Variants in CRACR2A observed in about 807,000 individuals in gnomAD.
CRACR2A encodes EF-hand calcium-binding domain-containing protein 4B.
A neutral mutation model predicts 90.5 loss-of-function variants in CRACR2A; 79 were observed. That is an observed-to-expected ratio of 0.87 (90% CI 0.73 to 1.05). The LOEUF is 1.05. Ranked by LOEUF, CRACR2A falls within the 50% of genes least tolerant of loss-of-function variation. CRACR2A has a pLI of 0.00. For missense variants in CRACR2A, 823 were observed against 897.2 expected (o/e 0.92, Z 1.06); for synonymous variants, 338 against 356.7 (o/e 0.95, Z 0.59).
chr12:3,748,235 G>A (rs1946654142), intron 1 of CRACR2A, among the ~76,000 whole-genome samples: 1 of 152,178 alleles, frequency 6.6e-6, no homozygotes, highest in Non-Finnish European at 1.5e-5. Flanking sequence ...GGGATCTTCA[G>A]CACAGATGGG....
At chr12:3,713,741 C>A (rs1473974688) in intron 2 of CRACR2A, among the ~76,000 whole-genome samples, 1 of 152,172 alleles carries the variant, frequency 6.6e-6, no homozygotes, top group Non-Finnish European at 1.5e-5. Context: ...AGCATTGTGG[C>A]AAGAATCACT....
chr12:3,653,265 GC>G (rs1944833590), intron 10 of CRACR2A, among the ~76,000 whole-genome samples: 1 of 152,204 alleles, frequency 6.6e-6, no homozygotes, highest in Non-Finnish European at 1.5e-5. Flanking sequence ...ACAGGCGTGA[GC>G]CACCGCGCCT....
chr12:3,727,447 A>T (rs1288067286), intron 2 of CRACR2A: 1 of 152,222 alleles, frequency 6.6e-6, no homozygotes, highest in Non-Finnish European at 1.5e-5. Context: ...CTAATTCTAC[A>T]TCGGCTGGAT....
At chr12:3,655,344 CA>C (rs1276912363) in intron 9 of CRACR2A, among the ~76,000 whole-genome samples, 1 of 152,200 alleles carries the variant, frequency 6.6e-6, no homozygotes, top group African/African-American at 2.4e-5. Context: ...AGGCAGCTGG[CA>C]GTTCCCGGAG....
intron 10 of CRACR2A, among the ~76,000 whole-genome samples, chr12:3,652,725 CT>C (rs1944815824): frequency 6.6e-6 from 1 of 152,198 alleles, no homozygotes; most frequent in Admixed American, 6.5e-5. Context: ...TAAAATCAGA[CT>C]TTCAGTACTA....
chr12:3,648,484 T>G, intron 11 of CRACR2A, 58 bp downstream of exon 11: 1 of 1,613,366 alleles, frequency 6.2e-7, no homozygotes, highest in Non-Finnish European at 8.5e-7. Context: ...AGACTGGTCC[T>G]TCCGACCCCA....
At chr12:3,659,206 C>G (rs887915300) in intron 8 of CRACR2A, among the ~76,000 whole-genome samples, 3 of 152,170 alleles carry the variant, frequency 2.0e-5, no homozygotes, top group African/African-American at 7.2e-5. Context: ...GAGCCTCCAT[C>G]CTTTCATTCA....
In CRACR2A at chr12:3,668,190, T is replaced by C. The variant is rs138308893; in HGVS notation, c.671+5256A>G. ...ACATGCATTAGATTAAGTCACAACC[T>C]CGTCACCTAGAGTCCTCGCCGAGAA... On this transcript the variant is annotated intron_variant, in intron 7 of 19. Coordinates refer to ENST00000440314, the MANE Select transcript of CRACR2A (RefSeq NM_001144958.2). 1.8e-3 allele frequency among the ~76,000 whole-genome samples: 279 copies of C among 152,260 alleles called. 7 individuals are homozygous for C. The East Asian group carries it at 0.036, about 20-fold the overall frequency.
chr12:3,651,649 T>G (rs1193420040), intron 10 of CRACR2A, among the ~76,000 whole-genome samples: 2 of 152,178 alleles, frequency 1.3e-5, no homozygotes, highest in Non-Finnish European at 2.9e-5. Context: ...GAATTCTTGC[T>G]GATCAGTGAC....
chr12:3,717,181 C>T (rs573927475), intron 2 of CRACR2A, among the ~76,000 whole-genome samples: 17 of 152,228 alleles, frequency 1.1e-4, no homozygotes, highest in African/African-American at 3.4e-4. Context: ...CCAGGAAACC[C>T]GCAGCAGTCG....
chr12:3,746,236 C>G lies in CRACR2A; in HGVS notation c.-387+6779G>C, dbSNP rs1946623473. ...CAATTCATATGTTGAAGCCCTAACTCTCAATGTGATGGTATTTGGAGGTGA... is the reference window on the plus strand; with the variant it reads ...CAATTCATATGTTGAAGCCCTAACTGTCAATGTGATGGTATTTGGAGGTGA... On this transcript the variant is annotated intron_variant, in intron 1 of 19. Coordinates refer to ENST00000440314, the MANE Select transcript of CRACR2A (RefSeq NM_001144958.2). This position sits in a 1 kb window ranked among gnomAD's most constrained non-coding sequence, Gnocchi z 4.4. 6.6e-6 allele frequency among the ~76,000 whole-genome samples: 1 copy of G among 152,150 alleles called. No individual in the cohort carries two copies.
At chr12:3,644,818 G>C (rs1190270745) in intron 11 of CRACR2A, among the ~76,000 whole-genome samples, 178 bp from the exon 12 acceptor site, 1 of 152,180 alleles carries the variant, frequency 6.6e-6, no homozygotes, top group African/African-American at 2.4e-5. Context: ...TTTGTGTACA[G>C]ATAGGTACAC....
rs1015506717 is a variant in CRACR2A, at chr12:3,654,140, G to A, written c.1046+72C>T. 51 of 1,546,606 alleles carry A rather than the reference G, an allele frequency of 3.3e-5. No individual in the cohort carries two copies. The African/African-American group carries it at 3.8e-4, about 11-fold the overall frequency. ...AGGCAAGGAGACAGGGTCTCTGAGC[G>A]GCGAGGGGACATGCCCATAGTGGGG... On this transcript the variant is annotated intron_variant, in intron 10 of 19. Coordinates refer to ENST00000440314, the MANE Select transcript of CRACR2A (RefSeq NM_001144958.2).
At chr12:3,680,200 C>A in intron 5 of CRACR2A, 38 bp downstream of exon 5, 2 of 1,536,222 alleles carry the variant, frequency 1.3e-6, no homozygotes, top group East Asian at 2.3e-5. Flanking sequence ...TTAGGTAGAC[C>A]CATAACCCTG....
chr12:3,689,739 A>AT (rs548747057), intron 4 of CRACR2A, among the ~76,000 whole-genome samples: 24 of 149,064 alleles, frequency 1.6e-4, no homozygotes, highest in Middle Eastern at 3.6e-3. Flanking sequence ...CTCCTCCTCA[A>AT]TTTTTTTTAA....
At chr12:3,622,757 T>C (rs1414631542) in intron 17 of CRACR2A, among the ~76,000 whole-genome samples, 1 of 151,922 alleles carries the variant, frequency 6.6e-6, no homozygotes, top group East Asian at 1.9e-4. Flanking sequence ...CATTAAAGCA[T>C]GCAGTTATGC....
At chr12:3,617,678 T>C (rs1867716685) in intron 18 of CRACR2A, among the ~76,000 whole-genome samples, 1 of 152,204 alleles carries the variant, frequency 6.6e-6, no homozygotes. Flanking sequence ...CGGGAGCCCT[T>C]GGTTAAGGCT....
At chr12:3,666,802 G>T (rs1458890551) in intron 7 of CRACR2A, among the ~76,000 whole-genome samples, 1 of 152,210 alleles carries the variant, frequency 6.6e-6, no homozygotes, top group Non-Finnish European at 1.5e-5. Context: ...AATAAAATCT[G>T]TTGGGATTTC....
At chr12:3,752,402 GGACA>G (rs1010653576) in intron 1 of CRACR2A, 4 of 140,996 alleles carry the variant, frequency 2.8e-5, no homozygotes, top group African/African-American at 7.6e-5. Context: ...ACACACACAC[GGACA>G]GAGTCAGCAC....
Sources: allele counts gnomAD v4.1 joint callset (sites outside exome capture counted in the v4.1 genomes callset), GRCh38; gene constraint gnomAD v4.1.1; non-coding constraint Gnocchi (gnomAD v3.1); transcripts MANE v1.5; gene names NCBI Gene and HGNC (gene_info 2026-07-23, HGNC 2026-07-21).